Variants in BAK1 observed in about 807,000 individuals in gnomAD.
BAK1 encodes the protein bcl-2 homologous antagonist/killer.
BAK1 carries 19 observed loss-of-function variants against 24.7 expected under a neutral mutation model. The observed-to-expected ratio is 0.77, with a 90% CI of 0.54 to 1.13. BAK1 has a LOEUF of 1.13. BAK1 is among the 50% of genes most tolerant of loss of function. BAK1 has a pLI of 0.00. For synonymous variants in BAK1, 86 were observed against 107.3 expected, an observed-to-expected ratio of 0.80 and a Z score of 1.23; for missense variants, 194 against 279.4, an observed-to-expected ratio of 0.69 and a Z score of 2.18.
chr6:33,573,824 T>C lies in BAK1; in HGVS notation c.615A>G (p.Val205=). The C allele has an allele frequency of 6.2e-7, 1 of 1,614,092 alleles. No individual in the cohort carries two copies. The highest frequency in any genetic ancestry group is 8.5e-7 in the Non-Finnish European group (1 of 1,179,922). The change falls in exon 6 of 6, where the codon GTA becomes GTG. Residue 205 remains valine, a synonymous_variant. Coordinates refer to ENST00000374467, the MANE Select transcript of BAK1 (RefSeq NM_001188.4). ...GGAGTCATGATTTGAAGAATCTTCG[T>C]ACCACAAACTGGCCCAACAGAACCA... ...LGVVLLGQFV[V]RRFFKS
intron 4 of BAK1, chr6:33,574,429 G>C: frequency 1.3e-6 from 2 of 1,496,546 alleles, no homozygotes; most frequent in Non-Finnish European, 1.8e-6. Flanking sequence ...GCCACTGCTG[G>C]GGTGTACGCT....
chr6:33,574,384 C>A, intron 4 of BAK1, 170 bp from the exon 5 acceptor site: 1 of 1,456,444 alleles, frequency 6.9e-7, no homozygotes, highest in South Asian at 1.2e-5. Flanking sequence ...TGGGTCTCTG[C>A]GAAAGGAGAA....
rs5745595 is a variant in BAK1, at chr6:33,574,024, G to A, written c.531+10C>T. On this transcript the variant is annotated intron_variant, in intron 5 of 5. Coordinates refer to ENST00000374467, the MANE Select transcript of BAK1 (RefSeq NM_001188.4). ...CAGCAGGGAGGACATTGCAGTCCTT[G>A]GATACTCACCCAGCCACCCCTCTGT... 8.9e-5 allele frequency: 143 copies of A among 1,613,518 alleles called. No individual in the cohort carries two copies. The African/African-American group carries it at 1.8e-3, about 20-fold the overall frequency.
chr6:33,576,620 G>A (rs1582067088), intron 2 of BAK1, among the ~76,000 whole-genome samples: 1 of 148,556 alleles, frequency 6.7e-6, no homozygotes, highest in African/African-American at 2.5e-5. Flanking sequence ...GCAATAGAGC[G>A]AGACTCCATC....
In BAK1 at chr6:33,578,205, C is replaced by CA. The variant is rs1762877342; in HGVS notation, c.-31-571dup. On this transcript the variant is annotated intron_variant, in intron 1 of 5. Transcript: ENST00000374467. This position sits in a 1 kb window ranked among gnomAD's most constrained non-coding sequence, Gnocchi z 4.8. Reference sequence around the variant, plus strand: ...CCTACTTCCCTCTGGCTGGCCAGAACACACCTGTTTTTTAACTCTGGGCTG... The same window carrying CA: ...CCTACTTCCCTCTGGCTGGCCAGAACAACACCTGTTTTTTAACTCTGGGCTG... Among the ~76,000 whole-genome samples, 1 of 152,222 alleles carries CA rather than the reference C, an allele frequency of 6.6e-6. No homozygotes were observed. The highest frequency in any genetic ancestry group is 6.5e-5 in the Admixed American group (1 of 15,284).
At position 33,573,710 on chromosome 6, in the gene BAK1, G is replaced by A. The variant is rs553427506; in HGVS notation, c.*93C>T. The A allele has an allele frequency of 3.0e-6, 3 of 1,013,740 alleles. No homozygotes were observed. The highest frequency in any genetic ancestry group is 2.6e-5 in the East Asian group (1 of 39,210). 62.8% of individuals were successfully genotyped at this position (1,013,740 alleles called of 1,614,324 possible). On this transcript the variant is annotated 3_prime_UTR_variant, in exon 6 of 6. Coordinates refer to ENST00000374467, the MANE Select transcript of BAK1 (RefSeq NM_001188.4). ...CTTGCTAAAGCTTCTGTACTCTTGAGGGGGGACCCCTGCAAGGGAACAGAG... is the reference window on the plus strand; with the variant it reads ...CTTGCTAAAGCTTCTGTACTCTTGAAGGGGGACCCCTGCAAGGGAACAGAG...
In BAK1 at chr6:33,577,716, C is replaced by T. The variant is rs1762871174; in HGVS notation, c.-31-81G>A. ...GGGACCCCATACAGGTTGCCATGTC[C>T]ACATAGGAGAGAGGATCCCCCATTC... On this transcript the variant is annotated intron_variant, in intron 1 of 5. Transcript: ENST00000374467. The surrounding 1 kb of genome is among the most constrained non-coding windows in gnomAD (Gnocchi z 4.6). 4 of 968,058 alleles carry T rather than the reference C, an allele frequency of 4.1e-6. No individual in the cohort carries two copies. The South Asian group carries it at 7.0e-5, about 17-fold the overall frequency. The allele number at this position is 968,058 out of a possible 1,614,324, so 60.0% of individuals were successfully genotyped here. A position where few individuals can be genotyped will look rare whatever the true frequency, so the allele number is the denominator to read the frequency against.
In BAK1 at chr6:33,577,360, C is replaced by T. The variant is rs555106763; in HGVS notation, c.70+175G>A. 3.9e-5 allele frequency among the ~76,000 whole-genome samples: 6 copies of T among 152,180 alleles called. No homozygotes were observed. The highest frequency in any genetic ancestry group is 1.4e-4 in the African/African-American group (6 of 41,446). ...CCCTCCCCAGTCCAGACTCCTCCCC[C>T]TCCTGGGCTTAACCTTGACAGCAGC... On this transcript the variant is annotated intron_variant, in intron 2 of 5. Coordinates refer to ENST00000374467, the MANE Select transcript of BAK1 (RefSeq NM_001188.4). This position sits in a 1 kb window ranked among gnomAD's most constrained non-coding sequence, Gnocchi z 4.6.
At position 33,578,308 on chromosome 6, in the gene BAK1, A is replaced by G. The variant is rs1762879052; in HGVS notation, c.-31-673T>C. 6.6e-6 allele frequency among the ~76,000 whole-genome samples: 1 copy of G among 151,940 alleles called. No individual in the cohort carries two copies. Among genetic ancestry groups the G allele is most frequent in the African/African-American group, 2.4e-5 (1 of 41,344 alleles). On this transcript the variant is annotated intron_variant, in intron 1 of 5. Coordinates refer to ENST00000374467, the MANE Select transcript of BAK1 (RefSeq NM_001188.4). This position sits in a 1 kb window ranked among gnomAD's most constrained non-coding sequence, Gnocchi z 4.8. ...ACTCTGTGGGTGGTGAACACTGGAA[A>G]CTCACATGAACCCAGCAGGGTGAGC...
rs1762793946 is a variant in BAK1 at position 33,573,444 on chromosome 6, T to A, written c.*359A>T. ...GGAATGGGCTCTCACAAGGGTATTA[T>A]AAAAAGCTAAAACCGTTAAACACTT... On this transcript the variant is annotated 3_prime_UTR_variant, in exon 6 of 6. Coordinates refer to ENST00000374467, the MANE Select transcript of BAK1 (RefSeq NM_001188.4). 1 of 264,342 alleles carries A rather than the reference T, an allele frequency of 3.8e-6. No homozygotes were observed. The highest frequency in any genetic ancestry group is 4.8e-5 in the Admixed American group (1 of 21,048). The allele number at this position is 264,342 out of a possible 1,614,324, so 16.4% of individuals were successfully genotyped here.
rs1762833089 is a variant in BAK1, at chr6:33,575,695, C to T, written c.206+98G>A. 2.6e-6 allele frequency: 4 copies of T among 1,524,000 alleles called. No individual in the cohort carries two copies. The highest frequency in any genetic ancestry group is 1.9e-5 in the Admixed American group (1 of 51,954). 94.4% of individuals were successfully genotyped at this position (1,524,000 alleles called of 1,614,324 possible). ...GAGCAACCATGAGAGAAGGGCAAGACCCCCGAGGCCTCCCCAGCTCCCAGG... is the reference window on the plus strand; with the variant it reads ...GAGCAACCATGAGAGAAGGGCAAGATCCCCGAGGCCTCCCCAGCTCCCAGG... On this transcript the variant is annotated intron_variant, in intron 3 of 5. Transcript: ENST00000374467. The surrounding 1 kb of genome is among the most constrained non-coding windows in gnomAD (Gnocchi z 6.3).
rs5745588 is a variant in BAK1 at position 33,577,281 on chromosome 6, C to T, written c.70+254G>A. ...TCGCCCGTGACCCAGCCCTCTGCCC[C>T]GGTGGCACTGTGCCTACCTTACACT... On this transcript the variant is annotated intron_variant, in intron 2 of 5. Transcript: ENST00000374467. The surrounding 1 kb of genome is among the most constrained non-coding windows in gnomAD (Gnocchi z 4.6). 3.0e-3 allele frequency among the ~76,000 whole-genome samples: 454 copies of T among 152,294 alleles called. 4 individuals carry two copies. The highest frequency in any genetic ancestry group is 7.7e-3 in the East Asian group (40 of 5,178).
chr6:33,574,192 A>T lies in BAK1; in HGVS notation c.373T>A (p.Trp125Arg), dbSNP rs537384702. The T allele has an allele frequency of 2.7e-5, 44 of 1,613,884 alleles. No homozygotes were observed. Among genetic ancestry groups the T allele is most frequent in the Non-Finnish European group, 3.6e-5 (42 of 1,179,906 alleles). Residue 125 changes from tryptophan (W) to arginine (R), a missense_variant, in exon 5 of 6, where the codon TGG (tryptophan) becomes AGG (arginine). Physicochemically the swap from Trp to Arg is moderately radical, Grantham distance 101. Coordinates refer to ENST00000374467, the MANE Select transcript of BAK1 (RefSeq NM_001188.4). ...CCCAGAAGAGCCACCACACGGCCCC[A>T]ATTGATGCCACTCTCAAACAGGCTG... ...ATSLFESGIN[W>R]GRVVALLGFG...
At position 33,573,792 on chromosome 6, in the gene BAK1, A is replaced by G; in HGVS notation, c.*11T>C. The G allele has an allele frequency of 6.2e-7, 1 of 1,608,318 alleles. No individual in the cohort carries two copies. Among genetic ancestry groups the G allele is most frequent in the Non-Finnish European group, 8.5e-7 (1 of 1,174,706 alleles). On this transcript the variant is annotated 3_prime_UTR_variant, in exon 6 of 6. Coordinates refer to ENST00000374467, the MANE Select transcript of BAK1 (RefSeq NM_001188.4). Reference sequence around the variant, plus strand: ...GGTCTGAACCGGGACCCCAAAGGGCACCCTTGGGAGTCATGATTTGAAGAA... The same window carrying G: ...GGTCTGAACCGGGACCCCAAAGGGCGCCCTTGGGAGTCATGATTTGAAGAA...
Position 33,575,641 on chromosome 6 carries a change from G to C in BAK1, c.206+152C>G, listed in dbSNP as rs1561831352. ...GGGCTAAAAAGGATACAAGGTCCTG[G>C]ATGGGGGTGGGAGCCCAACATAAAA... On this transcript the variant is annotated intron_variant, in intron 3 of 5. Coordinates refer to ENST00000374467, the MANE Select transcript of BAK1 (RefSeq NM_001188.4). The surrounding 1 kb of genome is among the most constrained non-coding windows in gnomAD (Gnocchi z 6.3). 5.2e-6 allele frequency: 7 copies of C among 1,351,310 alleles called. No individual in the cohort carries two copies. The East Asian group carries it at 1.6e-4, about 31-fold the overall frequency. The allele number at this position is 1,351,310 out of a possible 1,614,324, so 83.7% of individuals were successfully genotyped here. A position where few individuals can be genotyped will look rare whatever the true frequency, so the allele number is the denominator to read the frequency against.
In BAK1 at chr6:33,578,160, T is replaced by A. The variant is rs929698344; in HGVS notation, c.-31-525A>T. ...GAGCCACTGCCCAGCCAATGGCCCA[T>A]GAAGGCTGTCCTCAGAGGCCCTACT... On this transcript the variant is annotated intron_variant, in intron 1 of 5. Transcript: ENST00000374467. This position sits in a 1 kb window ranked among gnomAD's most constrained non-coding sequence, Gnocchi z 4.8. 2.0e-5 allele frequency among the ~76,000 whole-genome samples: 3 copies of A among 152,194 alleles called. No individual in the cohort carries two copies. Among genetic ancestry groups the A allele is most frequent in the Admixed American group, 6.5e-5 (1 of 15,282 alleles).
At position 33,573,381 on chromosome 6, in the gene BAK1, C is replaced by G. The variant is rs974313598; in HGVS notation, c.*422G>C. The G allele has an allele frequency of 2.7e-5, 5 of 185,574 alleles. No individual in the cohort carries two copies. Among genetic ancestry groups the G allele is most frequent in the African/African-American group, 1.2e-4 (5 of 42,742 alleles). The allele number at this position is 185,574 out of a possible 1,614,324, so 11.5% of individuals were successfully genotyped here. The stretch of plus-strand genomic sequence containing the variant: ...CCTGGGGAACATAGACCCACCAATC[C>G]CCACACCCCAGACGTCCTGGCCTCA... On this transcript the variant is annotated 3_prime_UTR_variant, in exon 6 of 6. Coordinates refer to ENST00000374467, the MANE Select transcript of BAK1 (RefSeq NM_001188.4).
rs1762784932 is a variant in BAK1 at position 33,572,777 on chromosome 6, AG to A, written c.*1025del. The A allele has an allele frequency of 6.6e-6, 1 of 152,008 alleles. No homozygotes were observed. 9.4% of individuals were successfully genotyped at this position (152,008 alleles called of 1,614,324 possible). A position where few individuals can be genotyped will look rare whatever the true frequency, so the allele number is the denominator to read the frequency against. ...GGGGGAACAGAGTTCAAGTATTCAC[AG>A]TTCCCCCATCTACACCCCTGGATTA... On this transcript the variant is annotated 3_prime_UTR_variant, in exon 6 of 6. Transcript: ENST00000374467.
chr6:33,573,787 A>G lies in BAK1; in HGVS notation c.*16T>C, dbSNP rs754210197. On this transcript the variant is annotated 3_prime_UTR_variant, in exon 6 of 6. Transcript: ENST00000374467. ...GCAGGGGTCTGAACCGGGACCCCAAAGGGCACCCTTGGGAGTCATGATTTG... is the reference window on the plus strand; with the variant it reads ...GCAGGGGTCTGAACCGGGACCCCAAGGGGCACCCTTGGGAGTCATGATTTG... 13 of 1,606,464 alleles carry G rather than the reference A, an allele frequency of 8.1e-6. No homozygotes were observed. The Admixed American group carries it at 1.7e-4, about 21-fold the overall frequency.
Sources: allele counts gnomAD v4.1 joint callset (sites outside exome capture counted in the v4.1 genomes callset), GRCh38; gene constraint gnomAD v4.1.1; non-coding constraint Gnocchi (gnomAD v3.1); transcripts MANE v1.5; gene names NCBI Gene and HGNC (gene_info 2026-07-23, HGNC 2026-07-21).